Variants in SEMA3A observed in about 807,000 individuals in gnomAD.
SEMA3A encodes the protein semaphorin-3A.
Under a neutral mutation model 97.9 loss-of-function variants are expected in SEMA3A, and 29 were observed. That is an observed-to-expected ratio of 0.30 (90% CI 0.22 to 0.40). The LOEUF (loss-of-function observed/expected upper bound fraction) is 0.40. Ranked by LOEUF, SEMA3A falls within the 10% of genes least tolerant of loss-of-function variation. SEMA3A has a pLI of 1.00. For missense variants in SEMA3A, 763 were observed against 951.3 expected, an observed-to-expected ratio of 0.80 and a Z score of 2.60; for synonymous variants, 321 against 323.7, an observed-to-expected ratio of 0.99 and a Z score of 0.09.
intron 1 of SEMA3A, among the ~76,000 whole-genome samples, chr7:84,415,547 T>C (rs533247307): frequency 6.6e-6 from 1 of 152,224 alleles, no homozygotes; most frequent in Non-Finnish European, 1.5e-5. Flanking sequence ...CTGATAATGA[T>C]ACCACTTGGG....
intron 1 of SEMA3A, among the ~76,000 whole-genome samples, chr7:84,480,746 C>T (rs1806423017): frequency 6.6e-6 from 1 of 152,124 alleles, no homozygotes; most frequent in African/African-American, 2.4e-5. Flanking sequence ...AGAACTTTAT[C>T]AATTTAAGGA....
chr7:84,313,968 A>T (rs1562899087), intron 2 of SEMA3A, among the ~76,000 whole-genome samples: 1 of 152,060 alleles, frequency 6.6e-6, no homozygotes, highest in Admixed American at 6.6e-5. Flanking sequence ...CACCATATAC[A>T]GTTTTACACT....
At chr7:84,131,941 C>T (rs1356365365) in intron 2 of SEMA3A, among the ~76,000 whole-genome samples, 1 of 152,098 alleles carries the variant, frequency 6.6e-6, no homozygotes, top group Admixed American at 6.6e-5. Flanking sequence ...AGGCATGTGC[C>T]ACCATGCCCA....
chr7:84,168,800 T>G (rs1459132137), intron 1 of SEMA3A, among the ~76,000 whole-genome samples: 1 of 151,798 alleles, frequency 6.6e-6, no homozygotes, highest in Admixed American at 6.6e-5. Flanking sequence ...CATATGAGGT[T>G]TTTTTATTTG....
chr7:84,445,005 A>G (rs563241058), intron 1 of SEMA3A, among the ~76,000 whole-genome samples: 1 of 152,302 alleles, frequency 6.6e-6, no homozygotes, highest in African/African-American at 2.4e-5. Flanking sequence ...GCTCTGATAG[A>G]GGCTCTTTTA....
intron 6 of SEMA3A, among the ~76,000 whole-genome samples, chr7:84,030,193 G>T (rs923822610): frequency 6.6e-6 from 1 of 152,068 alleles, no homozygotes; most frequent in African/African-American, 2.4e-5. Flanking sequence ...TTTCTATTTA[G>T]AAAGCCTTTG....
chr7:83,984,618 T>G lies in SEMA3A; in HGVS notation c.1494+818A>C, dbSNP rs901470928. On this transcript the variant is annotated intron_variant, in intron 13 of 16. Transcript: ENST00000265362. ...TTCTGGATTTTTCTGCTTTTTTTTT[T>G]TTTTTTTTTTTTTGAAGTTACCATT... 3.9e-3 allele frequency among the ~76,000 whole-genome samples: 569 copies of G among 147,464 alleles called. 3 individuals are homozygous for G. Among genetic ancestry groups the G allele is most frequent in the African/African-American group, 0.013 (542 of 40,508 alleles).
rs202005657 is a variant in SEMA3A, at chr7:84,316,130, C to CAAAAAAAAA, written c.-168-8847_-168-8839dup. Among the ~76,000 whole-genome samples, 8 of 30,226 alleles carry CAAAAAAAAA rather than the reference C, an allele frequency of 2.6e-4. 2 individuals are homozygous for CAAAAAAAAA. The highest frequency in any genetic ancestry group is 1.6e-3 in the East Asian group (3 of 1,912). The allele number at this position is 30,226 out of a possible 152,430, so 19.8% of individuals were successfully genotyped here. A position where few individuals can be genotyped will look rare whatever the true frequency, so the allele number is the denominator to read the frequency against. On this transcript the variant is annotated intron_variant, in intron 2 of 3. Transcript: ENST00000424555. Reference sequence around the variant, plus strand: ...TGCACAATATAGGAAGACTCTATCTCAAAAAAAAAAAAAAAAAAAAAAAAA... The same window carrying CAAAAAAAAA: ...TGCACAATATAGGAAGACTCTATCTCAAAAAAAAAAAAAAAAAAAAAAAAAAAAAAAAAA...
intron 3 of SEMA3A, among the ~76,000 whole-genome samples, chr7:84,240,697 G>C (rs1040717548): frequency 1.3e-5 from 2 of 152,076 alleles, no homozygotes; most frequent in Non-Finnish European, 2.9e-5. Context: ...ATGGTGGTTT[G>C]CTGCACTCAT....
intron 3 of SEMA3A, among the ~76,000 whole-genome samples, chr7:84,288,703 C>A (rs867548275): frequency 2.6e-5 from 4 of 151,828 alleles, no homozygotes; most frequent in African/African-American, 9.7e-5. Context: ...ATCAAAAAAA[C>A]AAAACAAAAC....
intron 2 of SEMA3A, among the ~76,000 whole-genome samples, chr7:84,313,711 C>G (rs1225513847): frequency 6.6e-6 from 1 of 151,536 alleles, no homozygotes; most frequent in Non-Finnish European, 1.5e-5. Flanking sequence ...GCGACAGAAT[C>G]CAATTTTGAA....
chr7:84,025,411 C>T (rs1438258429), intron 6 of SEMA3A, among the ~76,000 whole-genome samples: 1 of 152,074 alleles, frequency 6.6e-6, no homozygotes, highest in East Asian at 1.9e-4. Flanking sequence ...ATACAGAAAA[C>T]AAAAGCCCCA....
rs982348666 is a variant in SEMA3A, at chr7:84,376,368, C to T, written c.-245-4468G>A. Among the ~76,000 whole-genome samples, 7 of 115,126 alleles carry T rather than the reference C, an allele frequency of 6.1e-5. 1 individual carries two copies. Among genetic ancestry groups the T allele is most frequent in the African/African-American group, 2.2e-4 (7 of 31,412 alleles). The allele number at this position is 115,126 out of a possible 152,430, so 75.5% of individuals were successfully genotyped here. On this transcript the variant is annotated intron_variant, in intron 1 of 3. Coordinates refer to the SEMA3A transcript ENST00000424555. Reference sequence around the variant, plus strand: ...CTGTAATCCCAGCACTTTGGGAGGCCAAGGCGGGCGGATCACGAGGTCAGG... The same window carrying T: ...CTGTAATCCCAGCACTTTGGGAGGCTAAGGCGGGCGGATCACGAGGTCAGG...
chr7:84,344,268 T>A (rs1802241379), intron 2 of SEMA3A, among the ~76,000 whole-genome samples: 1 of 152,112 alleles, frequency 6.6e-6, no homozygotes, highest in Admixed American at 6.5e-5. Flanking sequence ...AGGGCCAGAT[T>A]TACCCTTCCA....
At chr7:84,377,792 G>A (rs1460223075) in intron 1 of SEMA3A, among the ~76,000 whole-genome samples, 1 of 152,100 alleles carries the variant, frequency 6.6e-6, no homozygotes, top group Non-Finnish European at 1.5e-5. Flanking sequence ...GTGTCCCAGG[G>A]AGAGGTGTCC....
intron 4 of SEMA3A, among the ~76,000 whole-genome samples, chr7:84,073,040 T>A (rs565734849): frequency 1.3e-5 from 2 of 152,056 alleles, no homozygotes; most frequent in South Asian, 4.1e-4. Flanking sequence ...ATAATATTAT[T>A]TACACTAAAC....
chr7:84,103,173 C>T lies in SEMA3A; in HGVS notation c.453+7297G>A, dbSNP rs947055054. On this transcript the variant is annotated intron_variant, in intron 4 of 16. Coordinates refer to ENST00000265362, the MANE Select transcript of SEMA3A (RefSeq NM_006080.3). ...CGGTGGGCAAATACACTTTCATGTG[C>T]TCTGGGATGATTTAATTCTCTCACC... Among the ~76,000 whole-genome samples, 3 of 152,192 alleles carry T rather than the reference C, an allele frequency of 2.0e-5. No homozygotes were observed. In the East Asian group the frequency reaches 5.8e-4, roughly 29 times the overall value.
At position 84,164,003 on chromosome 7, in the gene SEMA3A, G is replaced by A. The variant is rs902221138; in HGVS notation, c.113-29052C>T. On this transcript the variant is annotated intron_variant, in intron 1 of 16. Coordinates refer to ENST00000265362, the MANE Select transcript of SEMA3A (RefSeq NM_006080.3). ...TGGGATTACAGGCATGTGCCACCAC[G>A]CCCAGCTAATTTTGTATTTTTAGTA... is the stretch of plus-strand genomic sequence containing the variant. 4.6e-5 allele frequency among the ~76,000 whole-genome samples: 7 copies of A among 151,836 alleles called. No individual in the cohort carries two copies. The East Asian group carries it at 9.7e-4, about 21-fold the overall frequency.
intron 12 of SEMA3A, among the ~76,000 whole-genome samples, chr7:83,991,200 C>T (rs1203909006): frequency 3.3e-5 from 5 of 151,740 alleles, no homozygotes; most frequent in African/African-American, 4.8e-5. Flanking sequence ...AGTTGCTTAT[C>T]AGCTTAAGGA....
Sources: gnomAD v4.1 joint callset for allele counts (sites outside exome capture counted in the v4.1 genomes callset) on GRCh38, gnomAD v4.1.1 for gene constraint, MANE v1.5 for transcripts, NCBI Gene and HGNC (gene_info 2026-07-23, HGNC 2026-07-21) for gene names.